Variants in EVA1C observed in about 807,000 individuals in gnomAD.
EVA1C encodes the protein eva-1 homolog C, also known as protein eva-1 homolog C.
A neutral mutation model predicts 45.4 loss-of-function variants in EVA1C; 25 were observed. That is an observed-to-expected ratio of 0.55 (90% CI 0.40 to 0.77). The LOEUF (loss-of-function observed/expected upper bound fraction) is 0.77, where lower values mean the gene tolerates loss of function less well. Ranked by LOEUF, EVA1C falls within the 30% of genes least tolerant of loss-of-function variation. EVA1C has a pLI of 0.00. For synonymous variants in EVA1C, 190 were observed against 221.2 expected, an observed-to-expected ratio of 0.86 and a Z score of 1.25; for missense variants, 479 against 554.8, an observed-to-expected ratio of 0.86 and a Z score of 1.37.
chr21:32,460,992 C>T lies in EVA1C; in HGVS notation c.481+3272C>T, dbSNP rs186346889. ...AACTCCTGACCTCAAGTGATCTGCC[C>T]GCATTGGCCTCCCAAAGTGCTAGGA... On this transcript the variant is annotated intron_variant, in intron 3 of 7. Transcript: ENST00000300255. Among the ~76,000 whole-genome samples, 1,508 of 152,282 alleles carry T rather than the reference C, an allele frequency of 9.9e-3. 25 individuals are homozygous for T. Among genetic ancestry groups the T allele is most frequent in the African/African-American group, 0.035 (1,442 of 41,546 alleles).
intron 1 of EVA1C, among the ~76,000 whole-genome samples, chr21:32,424,399 A>T (rs1568862217): frequency 6.6e-6 from 1 of 152,134 alleles, no homozygotes; most frequent in Non-Finnish European, 1.5e-5. Context: ...TAGAAGTCCA[A>T]TTTGTACAGC....
rs535741133 is a variant in EVA1C, at chr21:32,491,898, G to A, written c.635-3129G>A. Among the ~76,000 whole-genome samples the A allele has an allele frequency of 9.9e-5, 15 of 152,142 alleles. No homozygotes were observed. In the South Asian group the frequency reaches 1.0e-3, roughly 11 times the overall value. ...AGTAAAGACAATCATTGCACATGGC[G>A]GAGTGCCGGAGTGGCCAGCGCTGAA... On this transcript the variant is annotated intron_variant, in intron 4 of 7. Transcript: ENST00000300255.
At chr21:32,454,975 A>C (rs893147620) in intron 2 of EVA1C, among the ~76,000 whole-genome samples, 5 of 152,188 alleles carry the variant, frequency 3.3e-5, no homozygotes, top group African/African-American at 1.2e-4. Flanking sequence ...GAGAGACAAC[A>C]TGTTTCTTCA....
At chr21:32,507,711 T>C (rs1323843758) in intron 7 of EVA1C, among the ~76,000 whole-genome samples, 1 of 151,992 alleles carries the variant, frequency 6.6e-6, no homozygotes, top group Admixed American at 6.6e-5. Flanking sequence ...TGTGCACGTG[T>C]GTGTGCATGT....
chr21:32,424,343 G>A (rs975311879), intron 1 of EVA1C, among the ~76,000 whole-genome samples: 1 of 152,048 alleles, frequency 6.6e-6, no homozygotes, highest in Non-Finnish European at 1.5e-5. Flanking sequence ...CTCCCTGCCT[G>A]CTCAACAGGA....
At chr21:32,487,458 G>A (rs924976367) in intron 4 of EVA1C, among the ~76,000 whole-genome samples, 1 of 152,264 alleles carries the variant, frequency 6.6e-6, no homozygotes. Context: ...CAGTGGCAGC[G>A]ACTCACATCC....
chr21:32,432,024 G>A (rs60600526), intron 1 of EVA1C, among the ~76,000 whole-genome samples: 2,065 of 152,174 alleles, frequency 0.014, 53 homozygotes, highest in African/African-American at 0.047. Flanking sequence ...GCCTGGAACA[G>A]CTCCTCAGTT....
Position 32,514,897 on chromosome 21 carries a change from G to A in EVA1C, c.1033G>A (p.Glu345Lys). ...ALTLCALVIR[E>K]SCAKDFRDLQ... is the part of the protein sequence containing the mutation. ...CACACTGTGCGCCCTGGTCATCAGAGAGTCCTGTGCCAAGGACTTCCGCGA... is the reference window on the plus strand; with the variant it reads ...CACACTGTGCGCCCTGGTCATCAGAAAGTCCTGTGCCAAGGACTTCCGCGA... The change falls in exon 8 of 8, where the codon GAG (glutamate) becomes AAG (lysine). Residue 345 changes from glutamate to lysine, a missense_variant. By Grantham distance (56) the Glu-to-Lys change is moderately conservative (BLOSUM62 1). Coordinates refer to ENST00000300255, the MANE Select transcript of EVA1C (RefSeq NM_058187.5). The A allele has an allele frequency of 6.2e-7, 1 of 1,613,982 alleles. No individual in the cohort carries two copies. The highest frequency in any genetic ancestry group is 8.5e-7 in the Non-Finnish European group (1 of 1,180,010).
chr21:32,422,001 T>C, intron 1 of EVA1C, among the ~76,000 whole-genome samples: 1 of 133,966 alleles, frequency 7.5e-6, no homozygotes, highest in African/African-American at 2.9e-5. Flanking sequence ...GCTGAGACTG[T>C]GCCACTGCAC....
upstream of EVA1C, among the ~76,000 whole-genome samples, chr21:32,411,787 G>A (rs1006861182): frequency 6.6e-6 from 1 of 152,210 alleles, no homozygotes; most frequent in Non-Finnish European, 1.5e-5. Context: ...ATAGGGTTTG[G>A]GTCGCTGGGC....
intron 1 of EVA1C, among the ~76,000 whole-genome samples, chr21:32,422,169 CTAACATGAAAAATATATTCAT>C (rs1425774549): frequency 6.6e-6 from 1 of 151,426 alleles, no homozygotes; most frequent in African/African-American, 2.4e-5. Flanking sequence ...AAGATATCTA[CTAACATGAAAAATATATTCAT>C]TGACATGAAA....
intron 4 of EVA1C, among the ~76,000 whole-genome samples, chr21:32,480,517 C>T (rs1782063423): frequency 6.6e-6 from 1 of 152,048 alleles, no homozygotes; most frequent in South Asian, 2.1e-4. Context: ...TGGCATGTCC[C>T]AGGCTAGGTG....
At chr21:32,458,991 A>C (rs1368603216) in intron 3 of EVA1C, among the ~76,000 whole-genome samples, 1 of 152,050 alleles carries the variant, frequency 6.6e-6, no homozygotes, top group Non-Finnish European at 1.5e-5. Flanking sequence ...GCAGATATGC[A>C]GGCTTCTGTC....
rs1263857514 is a variant in EVA1C at position 32,474,757 on chromosome 21, A to G, written c.634+6909A>G. On this transcript the variant is annotated intron_variant, in intron 4 of 7. Transcript: ENST00000300255. This position sits in a 1 kb window ranked among gnomAD's most constrained non-coding sequence, Gnocchi z 4.4. ...CCACACTCGGCTCCCGAGGATGGAT[A>G]ATCGTCTGGTTACAGACTGGGAATG... Among the ~76,000 whole-genome samples the G allele has an allele frequency of 3.9e-5, 6 of 152,188 alleles. No individual in the cohort carries two copies. The highest frequency in any genetic ancestry group is 8.8e-5 in the Non-Finnish European group (6 of 68,028).
chr21:32,430,843 C>T (rs1379806754), intron 1 of EVA1C, among the ~76,000 whole-genome samples: 1 of 152,048 alleles, frequency 6.6e-6, no homozygotes, highest in Non-Finnish European at 1.5e-5. Flanking sequence ...CGTGATGGCT[C>T]ATGCCTGTTG....
intron 4 of EVA1C, among the ~76,000 whole-genome samples, chr21:32,484,205 T>C (rs1021111791): frequency 1.3e-5 from 2 of 152,110 alleles, no homozygotes; most frequent in Admixed American, 6.5e-5. Flanking sequence ...CCCTGGAACA[T>C]AGTTCGATGT....
At chr21:32,448,337 G>A (rs1224392253) in intron 1 of EVA1C, among the ~76,000 whole-genome samples, 1 of 152,184 alleles carries the variant, frequency 6.6e-6, no homozygotes, top group African/African-American at 2.4e-5. Flanking sequence ...TTGTTTAAAA[G>A]TGTAGGTCAG....
chr21:32,496,902 A>G, intron 5 of EVA1C: 1 of 1,228,228 alleles, frequency 8.1e-7, no homozygotes, highest in Non-Finnish European at 1.2e-6. Flanking sequence ...GGAGTGAGCC[A>G]GTTTCTTTGT....
chr21:32,449,010 G>GGGAA (rs201656148), intron 1 of EVA1C, among the ~76,000 whole-genome samples: 2 of 149,018 alleles, frequency 1.3e-5, no homozygotes, highest in Admixed American at 6.7e-5. Context: ...GAGGGAGGGT[G>GGGAA]GGAAGGAAGG....
Sources: allele counts gnomAD v4.1 joint callset (sites outside exome capture counted in the v4.1 genomes callset), GRCh38; gene constraint gnomAD v4.1.1; non-coding constraint Gnocchi (gnomAD v3.1); transcripts MANE v1.5; gene names NCBI Gene and HGNC (gene_info 2026-07-23, HGNC 2026-07-21).